The following TMEM130 variants were observed in gnomAD, a reference collection of about 807,000 sequenced individuals.
TMEM130 encodes transmembrane protein 130.
Under a neutral mutation model 42.9 loss-of-function variants are expected in TMEM130, and 37 were observed. The observed-to-expected ratio is 0.86, with a 90% CI of 0.66 to 1.13. The LOEUF is 1.13. Among genes scored for constraint, TMEM130 ranks in the 50% most tolerant of loss-of-function variants. The pLI, the probability that TMEM130 is intolerant of heterozygous loss-of-function variation, is 0.00. For missense variants in TMEM130, 545 were observed against 562.6 expected (o/e 0.97, Z 0.32); for synonymous variants, 259 against 237.7 (o/e 1.09, Z -0.82).
chr7:98,850,857 G>C (rs1794483510), intron 6 of TMEM130, among the ~76,000 whole-genome samples: 1 of 152,166 alleles, frequency 6.6e-6, no homozygotes, highest in Non-Finnish European at 1.5e-5. Flanking sequence ...CTGCAATCAT[G>C]GTGGCTCATT....
intron 2 of TMEM130, 82 bp from the exon 3 acceptor site, chr7:98,860,420 T>C: frequency 1.4e-6 from 2 of 1,400,578 alleles, no homozygotes; most frequent in Non-Finnish European, 1.9e-6. Flanking sequence ...TGGGCAGCTG[T>C]CAAAGCCACC....
At position 98,860,286 on chromosome 7, in the gene TMEM130, G is replaced by T. The variant is rs147133382; in HGVS notation, c.444C>A (p.Pro148=). The change falls in exon 3 of 8, where the codon CCC becomes CCA. Residue 148 remains proline, a synonymous_variant. Coordinates refer to ENST00000339375, the MANE Select transcript of TMEM130 (RefSeq NM_152913.3). The stretch of plus-strand genomic sequence containing the variant: ...GGACGGTCTTAGTGAGATAGGAGCT[G>T]GGCCAGGGTAGGGAAGTGTTCTGGG... ...VVTQNTSLPW[P]SSYLTKTVLK... 7 of 1,612,834 alleles carry T rather than the reference G, an allele frequency of 4.3e-6. No individual in the cohort carries two copies. The African/African-American group carries it at 6.7e-5, about 15-fold the overall frequency.
rs868914189 is a variant in TMEM130, at chr7:98,869,531, G to C, written c.85+246C>G. Among the ~76,000 whole-genome samples the C allele has an allele frequency of 3.9e-5, 6 of 152,332 alleles. No homozygotes were observed. The highest frequency in any genetic ancestry group is 1.9e-4 in the East Asian group (1 of 5,184). On this transcript the variant is annotated intron_variant, in intron 1 of 7. Transcript: ENST00000339375. The surrounding 1 kb of genome is among the most constrained non-coding windows in gnomAD (Gnocchi z 4.7). The stretch of plus-strand genomic sequence containing the variant: ...CGGTTTCCAGGGCAGGGCCAGCCTG[G>C]GGGGGTGGAAGCAGGAATCCAGGGG...
At position 98,856,288 on chromosome 7, in the gene TMEM130, G is replaced by A. The variant is rs542161437; in HGVS notation, c.552-105C>T. 4.7e-5 allele frequency: 53 copies of A among 1,137,848 alleles called. No homozygotes were observed. The South Asian group carries it at 6.2e-4, about 13-fold the overall frequency. The allele number at this position is 1,137,848 out of a possible 1,614,324, so 70.5% of individuals were successfully genotyped here. ...GGACTTGCCAGAGTCAGGGGAGGCT[G>A]TACAGTGATACTCCCAGCTACCAGT... is the stretch of plus-strand genomic sequence containing the variant. On this transcript the variant is annotated intron_variant, in intron 3 of 7. Coordinates refer to ENST00000339375, the MANE Select transcript of TMEM130 (RefSeq NM_152913.3).
intron 6 of TMEM130, among the ~76,000 whole-genome samples, chr7:98,850,269 A>ATTTTTT (rs1244635646): frequency 3.3e-5 from 1 of 30,164 alleles, no homozygotes; most frequent in Non-Finnish European, 7.3e-5. Context: ...ATATATATAT[A>ATTTTTT]TATATTTTTT....
In TMEM130 at chr7:98,869,162, A is replaced by G. The variant is rs1554401000; in HGVS notation, c.85+615T>C. On this transcript the variant is annotated intron_variant, in intron 1 of 7. Coordinates refer to ENST00000339375, the MANE Select transcript of TMEM130 (RefSeq NM_152913.3). This position sits in a 1 kb window ranked among gnomAD's most constrained non-coding sequence, Gnocchi z 4.7. ...GGCGGTGGGGAAGTGGGGGCAGTAG[A>G]CACACAACCCTGCTTCCCCCACTCC... 1 of 1,277,016 alleles carries G rather than the reference A, an allele frequency of 7.8e-7. No individual in the cohort carries two copies. The highest frequency in any genetic ancestry group is 5.8e-5 in the East Asian group (1 of 17,256). The allele number at this position is 1,277,016 out of a possible 1,614,324, so 79.1% of individuals were successfully genotyped here. A position where few individuals can be genotyped will look rare whatever the true frequency, so the allele number is the denominator to read the frequency against.
Position 98,856,041 on chromosome 7 carries a change from A to T in TMEM130, c.694T>A (p.Phe232Ile), listed in dbSNP as rs782342426. 7 of 1,613,566 alleles carry T rather than the reference A, an allele frequency of 4.3e-6. No individual in the cohort carries two copies. Among genetic ancestry groups the T allele is most frequent in the Non-Finnish European group, 5.1e-6 (6 of 1,180,042 alleles). The change falls in exon 4 of 8, where the codon TTC becomes ATC. Residue 232 changes from phenylalanine to isoleucine, a missense_variant. By Grantham distance (21) the Phe-to-Ile change is conservative. Coordinates refer to ENST00000339375, the MANE Select transcript of TMEM130 (RefSeq NM_152913.3). ...CCCTGCAGCTTCAGCGAGGCGGAGAAGTCCCCGGTCTTCTGCTTCACAGCC... is the reference window on the plus strand; with the variant it reads ...CCCTGCAGCTTCAGCGAGGCGGAGATGTCCCCGGTCTTCTGCTTCACAGCC... ...TRAVKQKTGD[F>I]SASLKLQETL...
Position 98,863,131 on chromosome 7 carries a change from G to C in TMEM130, c.355C>G (p.Pro119Ala), listed in dbSNP as rs1794824382. ...VTAADCWMCQPVARGFVVLPI... is the reference protein window; with the variant it reads ...VTAADCWMCQAVARGFVVLPI... ...AGGACCACAAAGCCCCTGGCCACAG[G>C]CTGGCACATCCAGCAGTCAGCGGCA... Residue 119 changes from proline (P) to alanine (A), a missense_variant, in exon 2 of 8, where the codon CCT becomes GCT. Coordinates refer to ENST00000339375, the MANE Select transcript of TMEM130 (RefSeq NM_152913.3). 1 of 1,613,814 alleles carries C rather than the reference G, an allele frequency of 6.2e-7. No individual in the cohort carries two copies. The highest frequency in any genetic ancestry group is 1.1e-5 in the South Asian group (1 of 91,080).
chr7:98,860,191 T>C lies in TMEM130; in HGVS notation c.539A>G (p.Asp180Gly), dbSNP rs1794732679. The C allele has an allele frequency of 6.2e-7, 1 of 1,613,102 alleles. No individual in the cohort carries two copies. Among genetic ancestry groups the C allele is most frequent in the Admixed American group, 1.7e-5 (1 of 59,944 alleles). ...LKTALFLYSW[D>G]FGDGTQMVTE... Reference sequence around the variant, plus strand: ...GGTAAGGACCTACCCGTCCCCGAAGTCCCAGCTGTAGAGAAACAAGGCGGT... The same window carrying C: ...GGTAAGGACCTACCCGTCCCCGAAGCCCCAGCTGTAGAGAAACAAGGCGGT... The change falls in exon 3 of 8, where the codon GAC (aspartate) becomes GGC (glycine). Residue 180 changes from aspartate to glycine, a missense_variant. Coordinates refer to ENST00000339375, the MANE Select transcript of TMEM130 (RefSeq NM_152913.3).
At chr7:98,853,225 C>T (rs1485375359) in intron 5 of TMEM130, among the ~76,000 whole-genome samples, 2 of 152,154 alleles carry the variant, frequency 1.3e-5, no homozygotes, top group African/African-American at 4.8e-5. Context: ...AAAACTACCT[C>T]CAACCCCTAA....
At chr7:98,851,942 C>T (rs909695883) in intron 5 of TMEM130, among the ~76,000 whole-genome samples, 1 of 152,074 alleles carries the variant, frequency 6.6e-6, no homozygotes, top group Non-Finnish European at 1.5e-5. Context: ...AGCACATCCC[C>T]CTTTTTGTGT....
Position 98,848,620 on chromosome 7 carries a change from G to C in TMEM130, c.1082C>G (p.Thr361Ser). Reference protein sequence around the residue: ...TVMLAFIMYMTLRNATQQKDM... With the variant: ...TVMLAFIMYMSLRNATQQKDM... The stretch of plus-strand genomic sequence containing the variant: ...CTTTTGCTGAGTGGCATTCCGCAGG[G>C]TCATGTACATGATGAAGGCCAACAT... Residue 361 changes from threonine to serine, a missense_variant, in exon 7 of 8, where the codon ACC (threonine) becomes AGC (serine). By Grantham distance (58) the Thr-to-Ser change is moderately conservative (BLOSUM62 1). Coordinates refer to ENST00000339375, the MANE Select transcript of TMEM130 (RefSeq NM_152913.3). The C allele has an allele frequency of 6.2e-7, 1 of 1,613,950 alleles. No homozygotes were observed. The highest frequency in any genetic ancestry group is 8.5e-7 in the Non-Finnish European group (1 of 1,179,862).
At chr7:98,856,766 G>C (rs1041279371) in intron 3 of TMEM130, among the ~76,000 whole-genome samples, 6 of 152,130 alleles carry the variant, frequency 3.9e-5, no homozygotes, top group African/African-American at 1.4e-4. Context: ...TAAAGTGCTG[G>C]GATTATAGGC....
Position 98,847,784 on chromosome 7 carries a change from C to A in TMEM130, c.*272G>T, listed in dbSNP as rs929397170. On this transcript the variant is annotated 3_prime_UTR_variant, in exon 8 of 8. Coordinates refer to ENST00000339375, the MANE Select transcript of TMEM130 (RefSeq NM_152913.3). ...ACACCCCAAGCATCAAAGTCCTGCA[C>A]GAAGCCTCTTCAAAGGTAGGGGGTC... 1.3e-5 allele frequency: 4 copies of A among 318,598 alleles called. No individual in the cohort carries two copies. The highest frequency in any genetic ancestry group is 2.1e-5 in the African/African-American group (1 of 46,876). 19.7% of individuals were successfully genotyped at this position (318,598 alleles called of 1,614,324 possible).
chr7:98,867,951 C>T (rs559945114), intron 1 of TMEM130, among the ~76,000 whole-genome samples: 5 of 152,196 alleles, frequency 3.3e-5, no homozygotes, highest in East Asian at 1.9e-4. Context: ...CTTTCCAGGC[C>T]GGCGTGGTGG....
chr7:98,856,031 G>A lies in TMEM130; in HGVS notation c.704C>T (p.Ser235Leu), dbSNP rs149015420. 45 of 1,613,132 alleles carry A rather than the reference G, an allele frequency of 2.8e-5. No individual in the cohort carries two copies. Among genetic ancestry groups the A allele is most frequent in the Non-Finnish European group, 3.6e-5 (42 of 1,180,028 alleles). The change falls in exon 4 of 8, where the codon TCG becomes TTG. Residue 235 changes from serine to leucine, a missense_variant. Ser to Leu is a moderately radical substitution (Grantham distance 145). Coordinates refer to ENST00000339375, the MANE Select transcript of TMEM130 (RefSeq NM_152913.3). ...VKQKTGDFSA[S>L]LKLQETLRGI... Reference sequence around the variant, plus strand: ...TGGACACCCACCCTGCAGCTTCAGCGAGGCGGAGAAGTCCCCGGTCTTCTG... The same window carrying A: ...TGGACACCCACCCTGCAGCTTCAGCAAGGCGGAGAAGTCCCCGGTCTTCTG...
intron 5 of TMEM130, among the ~76,000 whole-genome samples, chr7:98,853,920 C>T (rs1794568413): frequency 6.6e-6 from 1 of 152,234 alleles, no homozygotes; most frequent in Admixed American, 6.5e-5. Flanking sequence ...GGTCTAGAAG[C>T]TTCCAGAATA....
chr7:98,868,044 C>T (rs1794947695), intron 1 of TMEM130, among the ~76,000 whole-genome samples: 2 of 152,180 alleles, frequency 1.3e-5, no homozygotes, highest in Admixed American at 1.3e-4. Flanking sequence ...GCCTGGCCAA[C>T]ATGGCGAAGC....
At chr7:98,849,238 T>C (rs1241806586) in intron 6 of TMEM130, among the ~76,000 whole-genome samples, 1 of 152,128 alleles carries the variant, frequency 6.6e-6, no homozygotes, top group Non-Finnish European at 1.5e-5. Flanking sequence ...GTGTCTGAAG[T>C]TGAACAGTCC....
Sources: allele counts gnomAD v4.1 joint callset (sites outside exome capture counted in the v4.1 genomes callset), GRCh38; gene constraint gnomAD v4.1.1; non-coding constraint Gnocchi (gnomAD v3.1); transcripts MANE v1.5; gene names NCBI Gene and HGNC (gene_info 2026-07-23, HGNC 2026-07-21).